LAMC3: variants seen among roughly 807,000 people sequenced by gnomAD.
LAMC3 encodes laminin subunit gamma-3.
Under a neutral mutation model 173.8 loss-of-function variants are expected in LAMC3, and 128 were observed. The ratio of observed to expected loss-of-function variants is 0.74; its 90% CI spans 0.64 to 0.85. The LOEUF (loss-of-function observed/expected upper bound fraction) is 0.85. LAMC3 is among the 40% of genes least tolerant of loss of function. LAMC3 has a pLI of 0.00. For missense variants in LAMC3, 2,022 were observed against 2,156.0 expected, an observed-to-expected ratio of 0.94 and a Z score of 1.23; for synonymous variants, 897 against 909.1, an observed-to-expected ratio of 0.99 and a Z score of 0.24.
intron 13 of LAMC3, among the ~76,000 whole-genome samples, chr9:131,065,824 TGAG>T (rs1244478982): frequency 2.5e-5 from 3 of 122,330 alleles, no homozygotes; most frequent in Non-Finnish European, 5.5e-5. Context: ...GTGATGATGA[TGAG>T]AATAATGGTC....
At chr9:131,059,892 G>T (rs147135942) in intron 12 of LAMC3, among the ~76,000 whole-genome samples, 1 of 152,330 alleles carries the variant, frequency 6.6e-6, no homozygotes, top group South Asian at 2.1e-4. Context: ...ATGCATGAGC[G>T]ACCTGGTTCT....
intron 3 of LAMC3, among the ~76,000 whole-genome samples, 177 bp downstream of exon 3, chr9:131,032,352 C>T (rs993074969): frequency 2.0e-5 from 3 of 152,080 alleles, no homozygotes; most frequent in Admixed American, 6.5e-5. Flanking sequence ...CACCTCCTGC[C>T]GGGTCCCCTG....
intron 8 of LAMC3, 37 bp downstream of exon 8, chr9:131,045,697 T>C (rs1834142912): frequency 6.2e-7 from 1 of 1,612,350 alleles, no homozygotes; most frequent in Non-Finnish European, 8.5e-7. Flanking sequence ...CCCAAGGGTC[T>C]GCTCCCAGCC....
rs183159411 is a variant in LAMC3 at position 131,086,159 on chromosome 9, A to G, written c.4230+436A>G. Among the ~76,000 whole-genome samples the G allele has an allele frequency of 5.9e-3, 877 of 149,664 alleles. 6 individuals are homozygous for G. The highest frequency in any genetic ancestry group is 0.011 in the Non-Finnish European group (730 of 67,252). On this transcript the variant is annotated intron_variant, in intron 25 of 27. Transcript: ENST00000361069. ...AGTGGCGCAATCTCAGCTCACTGCA[A>G]TCTCCGCCTCCTGGGTTCAAGTGAC... is the stretch of plus-strand genomic sequence containing the variant.
intron 11 of LAMC3, among the ~76,000 whole-genome samples, chr9:131,056,345 G>C (rs1239596490): frequency 6.6e-6 from 1 of 152,140 alleles, no homozygotes; most frequent in Non-Finnish European, 1.5e-5. Context: ...AATGTTACCA[G>C]TCTGAGAGAT....
Position 131,079,194 on chromosome 9 carries a change from C to G in LAMC3, c.3823C>G (p.Leu1275Val). The G allele has an allele frequency of 6.2e-7, 1 of 1,614,080 alleles. No homozygotes were observed. The highest frequency in any genetic ancestry group is 1.1e-5 in the South Asian group (1 of 91,046). ...AGACCTGGGCCTGAAGGCGAAGGCCCTGGAGAAGACAGTTGCATCATGGCA... is the reference window on the plus strand; with the variant it reads ...AGACCTGGGCCTGAAGGCGAAGGCCGTGGAGAAGACAGTTGCATCATGGCA... ...AEDLGLKAKA[L>V]EKTVASWQHM... The change falls in exon 23 of 28, where the codon CTG becomes GTG. Residue 1275 changes from leucine (L) to valine (V), a missense_variant. Physicochemically the swap from Leu to Val is conservative, Grantham distance 32. Coordinates refer to ENST00000361069, the MANE Select transcript of LAMC3 (RefSeq NM_006059.4).
In LAMC3 at chr9:131,052,565, T is replaced by A; in HGVS notation, c.1705T>A (p.Ser569Thr). 1 of 1,613,982 alleles carries A rather than the reference T, an allele frequency of 6.2e-7. No homozygotes were observed. The highest frequency in any genetic ancestry group is 1.1e-5 in the South Asian group (1 of 91,070). Residue 569 changes from serine to threonine, a missense_variant, in exon 10 of 28, where the codon TCC (serine) becomes ACC (threonine). Ser to Thr is a moderately conservative substitution (Grantham distance 58). Transcript: ENST00000361069. ...GACCTTCCGGGTGCCCCCCGGGGAC[T>A]CCCCACTCCCTGTACAGCTGAGGCT... ...ILTFRVPPGDSPLPVQLRLEG... is the reference protein window; with the variant it reads ...ILTFRVPPGDTPLPVQLRLEG...
At chr9:131,030,048 C>A (rs991926154) in intron 2 of LAMC3, among the ~76,000 whole-genome samples, 2 of 151,540 alleles carry the variant, frequency 1.3e-5, no homozygotes, top group African/African-American at 4.9e-5. Flanking sequence ...TCAAGCAATT[C>A]TCTTGCCTCA....
At chr9:131,033,450 C>T (rs572673104) in intron 3 of LAMC3, among the ~76,000 whole-genome samples, 28 of 152,090 alleles carry the variant, frequency 1.8e-4, no homozygotes, top group Non-Finnish European at 3.5e-4. Flanking sequence ...CAGATGGGAC[C>T]CAAGAGTGGG....
intron 9 of LAMC3, among the ~76,000 whole-genome samples, chr9:131,050,990 T>G (rs1288028460): frequency 6.6e-6 from 1 of 152,054 alleles, no homozygotes; most frequent in Non-Finnish European, 1.5e-5. Flanking sequence ...CCGGGGCATG[T>G]GGCCACCAGC....
chr9:131,091,620 T>G lies in LAMC3; in HGVS notation c.4561T>G (p.Ser1521Ala), dbSNP rs117361076. Residue 1521 changes from serine (S) to alanine (A), a missense_variant, in exon 28 of 28, where the codon TCC becomes GCC. By Grantham distance (99) the Ser-to-Ala change is moderately conservative (BLOSUM62 1). Transcript: ENST00000361069. ...AGAACGCCTGAGGCTGCAGCTGGGCTCCCCGGGGTCCTTGCAGAGGAAACT... is the reference window on the plus strand; with the variant it reads ...AGAACGCCTGAGGCTGCAGCTGGGCGCCCCGGGGTCCTTGCAGAGGAAACT... ...ALERLRLQLG[S>A]PGSLQRKLSL... 0.016 allele frequency: 26,122 copies of G among 1,595,974 alleles called. 246 individuals are homozygous for G. Among genetic ancestry groups the G allele is most frequent in the Non-Finnish European group, 0.018 (20,898 of 1,171,684 alleles).
intron 27 of LAMC3, 86 bp from the exon 28 acceptor site, chr9:131,091,451 G>T: frequency 6.6e-7 from 1 of 1,525,534 alleles, no homozygotes; most frequent in Middle Eastern, 2.3e-4. Context: ...GGAGGCCTGA[G>T]CTGGGGAGAG....
rs1830465916 is a variant in LAMC3, at chr9:131,093,953, A to G, written c.*2166A>G. ...CTCAGCCTCCCGAGTAGCTAGGACT[A>G]CAGGTGCTTGCCACCATGCCCAGCT... is the stretch of plus-strand genomic sequence containing the variant. On this transcript the variant is annotated 3_prime_UTR_variant, in exon 28 of 28. Coordinates refer to ENST00000361069, the MANE Select transcript of LAMC3 (RefSeq NM_006059.4). 1 of 152,286 alleles carries G rather than the reference A, an allele frequency of 6.6e-6. No homozygotes were observed. Among genetic ancestry groups the G allele is most frequent in the African/African-American group, 2.4e-5 (1 of 41,436 alleles). The allele number at this position is 152,286 out of a possible 1,614,324, so 9.4% of individuals were successfully genotyped here.
In LAMC3 at chr9:131,067,149, G is replaced by A. The variant is rs766570621; in HGVS notation, c.2537G>A (p.Cys846Tyr). ...ACCACGGGTGACCACTGTGAGCACTGTCAGGAAGGCTTCTACGGGAGCGCC... is the reference window on the plus strand; with the variant it reads ...ACCACGGGTGACCACTGTGAGCACTATCAGGAAGGCTTCTACGGGAGCGCC... ...HNTTGDHCEH[C>Y]QEGFYGSALA... Residue 846 changes from cysteine to tyrosine, a missense_variant, in exon 14 of 28, where the codon TGT (cysteine) becomes TAT (tyrosine). Coordinates refer to ENST00000361069, the MANE Select transcript of LAMC3 (RefSeq NM_006059.4). 13 of 1,614,050 alleles carry A rather than the reference G, an allele frequency of 8.1e-6. No individual in the cohort carries two copies. The highest frequency in any genetic ancestry group is 1.7e-5 in the Admixed American group (1 of 60,006).
At chr9:131,086,889 GAAAA>G (rs199984134) in intron 25 of LAMC3, among the ~76,000 whole-genome samples, 1 of 138,320 alleles carries the variant, frequency 7.2e-6, no homozygotes, top group South Asian at 2.3e-4. Flanking sequence ...ACTCTGCCTC[GAAAA>G]AAAAAAAGAA....
chr9:131,055,069 C>T (rs1175040135), intron 11 of LAMC3, among the ~76,000 whole-genome samples: 1 of 152,146 alleles, frequency 6.6e-6, no homozygotes, highest in Non-Finnish European at 1.5e-5. Flanking sequence ...TTCCCCATTA[C>T]AACCGTGTCA....
chr9:131,073,159 A>G, intron 19 of LAMC3, 86 bp from the exon 20 acceptor site: 2 of 1,020,782 alleles, frequency 2.0e-6, no homozygotes, highest in Non-Finnish European at 3.1e-6. Context: ...GGTGCCATCC[A>G]GTTCTGCCTC....
intron 7 of LAMC3, among the ~76,000 whole-genome samples, chr9:131,045,066 A>T (rs10114574): frequency 0.7 from 105,735 of 151,788 alleles, 37,469 homozygotes; most frequent in Non-Finnish European, 0.77. Context: ...TACTAAAAAT[A>T]CAAAAATTAG....
intron 3 of LAMC3, among the ~76,000 whole-genome samples, chr9:131,035,895 G>A (rs1163232806): frequency 6.6e-6 from 1 of 152,174 alleles, no homozygotes; most frequent in Non-Finnish European, 1.5e-5. Context: ...TGGTGGCTTT[G>A]GGCAGCTTCT....
Sources: allele counts gnomAD v4.1 joint callset (sites outside exome capture counted in the v4.1 genomes callset), GRCh38; gene constraint gnomAD v4.1.1; transcripts MANE v1.5; gene names NCBI Gene and HGNC (gene_info 2026-07-23, HGNC 2026-07-21).